Variants in PCDHGA3 observed in about 807,000 individuals in gnomAD.
PCDHGA3 encodes protocadherin gamma-A3.
In PCDHGA3, 40 loss-of-function variants were observed where a neutral mutation model predicts 58.5. The observed-to-expected ratio is 0.68, with a 90% CI of 0.53 to 0.89. The LOEUF (loss-of-function observed/expected upper bound fraction) is 0.89. PCDHGA3 is among the 40% of genes least tolerant of loss of function. The probability of loss-of-function intolerance (pLI) is 0.00; values close to 1 mark genes in which losing one functional copy is unlikely to be tolerated. For missense variants in PCDHGA3, 1,223 were observed against 1,195.9 expected, an observed-to-expected ratio of 1.02 and a Z score of -0.33; for synonymous variants, 530 against 525.7, an observed-to-expected ratio of 1.01 and a Z score of -0.11.
In PCDHGA3 at chr5:141,384,758, G is replaced by A. The variant is rs369146747; in HGVS notation, c.2424+38301G>A. ...AGCGAGCCAGGACTCTTTGCGGTTG[G>A]GCTGTACACGGGCGAGGTGCGCACG... is the stretch of plus-strand genomic sequence containing the variant. On this transcript the variant is annotated intron_variant, in intron 1 of 3. Coordinates refer to ENST00000253812, the MANE Select transcript of PCDHGA3 (RefSeq NM_018916.4). 57 of 1,613,872 alleles carry A rather than the reference G, an allele frequency of 3.5e-5. No individual in the cohort carries two copies. The highest frequency in any genetic ancestry group is 4.1e-5 in the Non-Finnish European group (48 of 1,180,038).
chr5:141,409,541 G>C lies in PCDHGA3; in HGVS notation c.2424+63084G>C, dbSNP rs1485327824. ...CACCTTGTATGTCGCTGACATCAAC[G>C]ACAACGCCCCAGTTTTCGACCAGAC... On this transcript the variant is annotated intron_variant, in intron 1 of 3. Coordinates refer to ENST00000253812, the MANE Select transcript of PCDHGA3 (RefSeq NM_018916.4). 16 of 1,613,852 alleles carry C rather than the reference G, an allele frequency of 9.9e-6. No homozygotes were observed. Among genetic ancestry groups the C allele is most frequent in the Admixed American group, 1.7e-5 (1 of 60,016 alleles).
At chr5:141,451,776 G>C (rs1279891846) in intron 1 of PCDHGA3, among the ~76,000 whole-genome samples, 1 of 152,078 alleles carries the variant, frequency 6.6e-6, no homozygotes, top group Non-Finnish European at 1.5e-5. Flanking sequence ...AGCTACTCAG[G>C]AGGCTGAGGC....
intron 1 of PCDHGA3, among the ~76,000 whole-genome samples, chr5:141,481,913 CAAAAAAAAA>C (rs34114744): frequency 1.1e-5 from 1 of 90,852 alleles, no homozygotes; most frequent in Non-Finnish European, 2.2e-5. Flanking sequence ...AACTCCATCT[CAAAAAAAAA>C]AAAAAAAAAA....
intron 1 of PCDHGA3, chr5:141,415,677 C>T (rs375781400): frequency 4.7e-6 from 7 of 1,499,248 alleles, no homozygotes; most frequent in Middle Eastern, 1.8e-4. Flanking sequence ...TTGAAGTTTG[C>T]GGCATGATGG....
In PCDHGA3 at chr5:141,372,495, G is replaced by A. The variant is rs770848334; in HGVS notation, c.2424+26038G>A. On this transcript the variant is annotated intron_variant, in intron 1 of 3. Transcript: ENST00000253812. The stretch of plus-strand genomic sequence containing the variant: ...AGTAGTGGCGTTGGCCTTGATCTCA[G>A]TGCTCTTCCTCCTCGCGGTGATTCT... 2.0e-5 allele frequency: 32 copies of A among 1,613,936 alleles called. No individual in the cohort carries two copies. Among genetic ancestry groups the A allele is most frequent in the Non-Finnish European group, 2.6e-5 (31 of 1,179,902 alleles).
At chr5:141,405,363 C>A (rs765508317) in intron 1 of PCDHGA3, 3 of 1,613,808 alleles carry the variant, frequency 1.9e-6, no homozygotes, top group South Asian at 1.1e-5. Context: ...ATAGAAGACA[C>A]CCCTTTGGTT....
At chr5:141,375,316 C>T (rs1308700957) in intron 1 of PCDHGA3, 4 of 1,613,660 alleles carry the variant, frequency 2.5e-6, no homozygotes, top group South Asian at 2.2e-5. Flanking sequence ...CAGCTCTAGA[C>T]CGGGAAGAGG....
At position 141,500,878 on chromosome 5, in the gene PCDHGA3, T is replaced by A. The variant is rs545375199; in HGVS notation, c.2484-4515T>A. On this transcript the variant is annotated intron_variant, in intron 2 of 3. Transcript: ENST00000253812. The stretch of plus-strand genomic sequence containing the variant: ...AGAAAACATACACATTCATTTACAA[T>A]TTTTTTTTTTTGAGACAGTCTCGCT... Among the ~76,000 whole-genome samples, 20 of 92,410 alleles carry A rather than the reference T, an allele frequency of 2.2e-4. 1 individual carries two copies. The East Asian group carries it at 4.8e-3, about 22-fold the overall frequency. The allele number at this position is 92,410 out of a possible 152,430, so 60.6% of individuals were successfully genotyped here.
In PCDHGA3 at chr5:141,373,263, A is replaced by G. The variant is rs559475060; in HGVS notation, c.2424+26806A>G. Among the ~76,000 whole-genome samples, 7 of 152,368 alleles carry G rather than the reference A, an allele frequency of 4.6e-5. No homozygotes were observed. In the East Asian group the frequency reaches 1.2e-3, roughly 25 times the overall value. On this transcript the variant is annotated intron_variant, in intron 1 of 3. Coordinates refer to ENST00000253812, the MANE Select transcript of PCDHGA3 (RefSeq NM_018916.4). ...CTTCCCTTTGCATGTTTTTAAAAGT[A>G]TACACAGATGTTGCCTATGTCAGGG...
At chr5:141,448,802 A>G (rs897172074) in intron 1 of PCDHGA3, among the ~76,000 whole-genome samples, 14 of 152,044 alleles carry the variant, frequency 9.2e-5, no homozygotes, top group Non-Finnish European at 1.8e-4. Flanking sequence ...AAAATTAGCC[A>G]GGCGTGATGG....
intron 1 of PCDHGA3, chr5:141,428,120 C>T (rs756805763): frequency 3.7e-6 from 6 of 1,606,528 alleles, no homozygotes; most frequent in East Asian, 4.5e-5. Flanking sequence ...CCATCGAGCC[C>T]GGGCTTTTCA....
rs2099410057 is a variant in PCDHGA3, at chr5:141,477,370, G to C, written c.2425-17437G>C. The C allele has an allele frequency of 6.2e-7, 1 of 1,614,054 alleles. No homozygotes were observed. On this transcript the variant is annotated intron_variant, in intron 1 of 3. Coordinates refer to ENST00000253812, the MANE Select transcript of PCDHGA3 (RefSeq NM_018916.4). This position sits in a 1 kb window ranked among gnomAD's most constrained non-coding sequence, Gnocchi z 4.9. The stretch of plus-strand genomic sequence containing the variant: ...AAACCAGTGCAGACCTGGATCGGGA[G>C]ACTGTGCCAGAATACAACCTCAGCA...
Position 141,431,461 on chromosome 5 carries a change from T to C in PCDHGA3, c.2425-63346T>C, listed in dbSNP as rs1477501293. 1 of 1,613,800 alleles carries C rather than the reference T, an allele frequency of 6.2e-7. No individual in the cohort carries two copies. Among genetic ancestry groups the C allele is most frequent in the Admixed American group, 1.7e-5 (1 of 60,032 alleles). ...CGCGCATCCGCGTGATGGTTCTGGA[T>C]GCGAACGACAACGCACCAGCGTTTG... On this transcript the variant is annotated intron_variant, in intron 1 of 3. Transcript: ENST00000253812. The surrounding 1 kb of genome is among the most constrained non-coding windows in gnomAD (Gnocchi z 4.8).
At chr5:141,396,934 G>A (rs1037377516) in intron 1 of PCDHGA3, among the ~76,000 whole-genome samples, 2 of 152,186 alleles carry the variant, frequency 1.3e-5, no homozygotes. Flanking sequence ...GATGAAAGTT[G>A]CCCTGGTAGG....
At chr5:141,484,598 T>C (rs2099598059) in intron 1 of PCDHGA3, among the ~76,000 whole-genome samples, 1 of 152,080 alleles carries the variant, frequency 6.6e-6, no homozygotes, top group Non-Finnish European at 1.5e-5. Flanking sequence ...TCATTTAGAA[T>C]ACTGGTTGAT....
Position 141,352,397 on chromosome 5 carries a change from C to G in PCDHGA3, c.2424+5940C>G, listed in dbSNP as rs761570903. 3.7e-6 allele frequency: 6 copies of G among 1,614,058 alleles called. No homozygotes were observed. In the Admixed American group the frequency reaches 1.0e-4, roughly 27 times the overall value. ...TCTAGCGATCGCCCTGCGCCTGCGA[C>G]GTTCCTCCAGCCTCGACACTGAGGG... is the stretch of plus-strand genomic sequence containing the variant. On this transcript the variant is annotated intron_variant, in intron 1 of 3. Transcript: ENST00000253812.
At chr5:141,380,894 AT>A (rs1776829006) in intron 1 of PCDHGA3, among the ~76,000 whole-genome samples, 1 of 152,262 alleles carries the variant, frequency 6.6e-6, no homozygotes, top group Admixed American at 6.5e-5. Context: ...TTGTTTGAAA[AT>A]ATCTACAAGT....
rs2099400874 is a variant in PCDHGA3 at position 141,476,888 on chromosome 5, C to T, written c.2425-17919C>T. On this transcript the variant is annotated intron_variant, in intron 1 of 3. Transcript: ENST00000253812. This position sits in a 1 kb window ranked among gnomAD's most constrained non-coding sequence, Gnocchi z 7.6. ...CCGGGCGCGCGTCCTGGAGGATGCA[C>T]CCTCCGGCACGCGCGTGGTACAAGT... is the stretch of plus-strand genomic sequence containing the variant. 1.2e-6 allele frequency: 2 copies of T among 1,613,964 alleles called. No homozygotes were observed. The highest frequency in any genetic ancestry group is 1.7e-6 in the Non-Finnish European group (2 of 1,180,030).
Position 141,490,850 on chromosome 5 carries a change from G to A in PCDHGA3, c.2425-3957G>A, listed in dbSNP as rs374508743. The A allele has an allele frequency of 7.2e-5, 116 of 1,613,706 alleles. No homozygotes were observed. The highest frequency in any genetic ancestry group is 9.5e-5 in the Non-Finnish European group (112 of 1,179,902). ...ATGCTGCAGATTGTGGTGGGGGTTC[G>A]AGACTCCGGCTCTCCCCCATTGCAT... On this transcript the variant is annotated intron_variant, in intron 1 of 3. Transcript: ENST00000253812. This position sits in a 1 kb window ranked among gnomAD's most constrained non-coding sequence, Gnocchi z 5.4.
Sources: gnomAD v4.1 joint callset for allele counts (sites outside exome capture counted in the v4.1 genomes callset) on GRCh38, gnomAD v4.1.1 for gene constraint, Gnocchi (gnomAD v3.1) non-coding constraint, MANE v1.5 for transcripts, NCBI Gene and HGNC (gene_info 2026-07-23, HGNC 2026-07-21) for gene names.